Variants in RALGPS1 observed in about 807,000 individuals in gnomAD.
RALGPS1 encodes ras-specific guanine nucleotide-releasing factor RalGPS1.
RALGPS1 carries 19 observed loss-of-function variants against 78.8 expected under a neutral mutation model. The observed-to-expected ratio is 0.24, with a 90% CI of 0.17 to 0.35. The LOEUF (loss-of-function observed/expected upper bound fraction) is 0.35, where lower values mean the gene tolerates loss of function less well. Among genes scored for constraint, RALGPS1 ranks in the 10% least tolerant of loss-of-function variants. The pLI is 1.00. For missense variants in RALGPS1, 454 were observed against 688.3 expected, an observed-to-expected ratio of 0.66 and a Z score of 3.81; for synonymous variants, 228 against 256.3, an observed-to-expected ratio of 0.89 and a Z score of 1.06.
intron 8 of RALGPS1, among the ~76,000 whole-genome samples, chr9:127,072,579 A>G (rs900827631): frequency 6.6e-6 from 1 of 152,140 alleles, no homozygotes; most frequent in East Asian, 1.9e-4. Flanking sequence ...GTTTTCTCTA[A>G]TTTTTGAGAT....
At chr9:126,998,668 G>T (rs2133466738) in intron 4 of RALGPS1, among the ~76,000 whole-genome samples, 1 of 152,242 alleles carries the variant, frequency 6.6e-6, no homozygotes, top group South Asian at 2.1e-4. Context: ...CCATTACTGG[G>T]TATATACCCA....
At chr9:126,971,641 C>A (rs2040129291) in intron 3 of RALGPS1, among the ~76,000 whole-genome samples, 1 of 152,150 alleles carries the variant, frequency 6.6e-6, no homozygotes, top group Non-Finnish European at 1.5e-5. Flanking sequence ...GAATTTTATT[C>A]CCCTGAGCCC....
chr9:127,019,103 A>G (rs2045190395), intron 4 of RALGPS1, among the ~76,000 whole-genome samples: 1 of 152,198 alleles, frequency 6.6e-6, no homozygotes, highest in Non-Finnish European at 1.5e-5. Context: ...TTATAGCCTC[A>G]TAGGCCTTTC....
rs1349456974 is a variant in RALGPS1 at position 126,973,148 on chromosome 9, G to T, written c.166-4547G>T. Among the ~76,000 whole-genome samples, 4 of 152,192 alleles carry T rather than the reference G, an allele frequency of 2.6e-5. No homozygotes were observed. In the East Asian group the frequency reaches 7.7e-4, roughly 29 times the overall value. ...TTTGGGAGGTTGTGGTGGGAGGATT[G>T]TTTGAGGCCAGGAGTTAGAGATCAG... On this transcript the variant is annotated intron_variant, in intron 3 of 18. Coordinates refer to ENST00000259351, the MANE Select transcript of RALGPS1 (RefSeq NM_014636.3).
rs1158146383 is a variant in RALGPS1, at chr9:127,137,070, A to G, written c.611-28999A>G. 2.6e-5 allele frequency among the ~76,000 whole-genome samples: 4 copies of G among 152,206 alleles called. No individual in the cohort carries two copies. In the East Asian group the frequency reaches 7.7e-4, roughly 29 times the overall value. On this transcript the variant is annotated intron_variant, in intron 8 of 18. Transcript: ENST00000259351. ...TTTAACTACCCCACAATTAATAGGA[A>G]TTGAGTTTGACAAAAAGCTGAAAGT...
chr9:127,080,242 A>G (rs1418312482), intron 8 of RALGPS1, among the ~76,000 whole-genome samples: 1 of 152,220 alleles, frequency 6.6e-6, no homozygotes, highest in Non-Finnish European at 1.5e-5. Context: ...TACTCAAGGG[A>G]AACAAAGATA....
chr9:127,212,592 C>G lies in RALGPS1; in HGVS notation c.1354-35C>G, dbSNP rs1487249930. ...CAGGGATCCTCTACCCCCACGACCC[C>G]TGGTGGCATCACTCAGCCTCCCCTT... On this transcript the variant is annotated intron_variant, in intron 15 of 18. Coordinates refer to ENST00000259351, the MANE Select transcript of RALGPS1 (RefSeq NM_014636.3). The surrounding 1 kb of genome is among the most constrained non-coding windows in gnomAD (Gnocchi z 6.0). The G allele has an allele frequency of 6.7e-7, 1 of 1,494,924 alleles. No individual in the cohort carries two copies. The highest frequency in any genetic ancestry group is 1.8e-4 in the Middle Eastern group (1 of 5,676). The allele number at this position is 1,494,924 out of a possible 1,614,324, so 92.6% of individuals were successfully genotyped here.
chr9:126,997,003 CA>C lies in RALGPS1; in HGVS notation c.216+19260del, dbSNP rs778342745. On this transcript the variant is annotated intron_variant, in intron 4 of 18. Coordinates refer to ENST00000259351, the MANE Select transcript of RALGPS1 (RefSeq NM_014636.3). The stretch of plus-strand genomic sequence containing the variant: ...AACAACGCTTCATGCTAAAAACTCT[CA>C]ATAAATTAGATATTGATGGGACGTA... 1.8e-3 allele frequency among the ~76,000 whole-genome samples: 280 copies of C among 152,278 alleles called. 1 individual carries two copies. Among genetic ancestry groups the C allele is most frequent in the Non-Finnish European group, 3.2e-3 (220 of 68,024 alleles).
chr9:127,174,313 G>A (rs1237421711), intron 10 of RALGPS1, among the ~76,000 whole-genome samples: 4 of 135,970 alleles, frequency 2.9e-5, no homozygotes, highest in Admixed American at 1.4e-4. Context: ...AAGAAAGAAA[G>A]AAAAAAAAAG....
intron 8 of RALGPS1, among the ~76,000 whole-genome samples, chr9:127,112,463 A>T (rs1047926756): frequency 6.6e-6 from 1 of 152,238 alleles, no homozygotes; most frequent in African/African-American, 2.4e-5. Flanking sequence ...GTGGCCAAGA[A>T]ACTGCCAGAG....
intron 8 of RALGPS1, among the ~76,000 whole-genome samples, chr9:127,125,821 T>C (rs1030264746): frequency 2.0e-5 from 3 of 152,240 alleles, no homozygotes; most frequent in African/African-American, 7.2e-5. Context: ...TGTGACTTTT[T>C]AAAATTTTAT....
chr9:126,935,886 C>G (rs2131289476), intron 1 of RALGPS1, among the ~76,000 whole-genome samples: 1 of 152,300 alleles, frequency 6.6e-6, no homozygotes, highest in East Asian at 1.9e-4. Context: ...GAGTTGGATT[C>G]CATTAGAAGC....
rs1055117210 is a variant in RALGPS1 at position 127,212,856 on chromosome 9, G to T, written c.1447-88G>T. The T allele has an allele frequency of 3.1e-6, 5 of 1,592,040 alleles. No individual in the cohort carries two copies. The African/African-American group carries it at 6.7e-5, about 21-fold the overall frequency. ...GCAGGTGGGAAGGCGGCAGGGGAGG[G>T]AGGAAGCCTTGCCTGGCCCACGTCG... On this transcript the variant is annotated intron_variant, in intron 16 of 18. Transcript: ENST00000259351. This position sits in a 1 kb window ranked among gnomAD's most constrained non-coding sequence, Gnocchi z 6.0.
In RALGPS1 at chr9:127,199,320, A is replaced by G. The variant is rs554527174; in HGVS notation, c.1247+254A>G. On this transcript the variant is annotated intron_variant, in intron 14 of 18. Coordinates refer to ENST00000259351, the MANE Select transcript of RALGPS1 (RefSeq NM_014636.3). ...TGATCCAGGAGGCTCTTCCTCCAGC[A>G]CAGCTGCAGGAGGCCTGTGAGTAGA... Among the ~76,000 whole-genome samples, 24 of 152,282 alleles carry G rather than the reference A, an allele frequency of 1.6e-4. No individual in the cohort carries two copies. The South Asian group carries it at 4.8e-3, about 30-fold the overall frequency.
intron 6 of RALGPS1, among the ~76,000 whole-genome samples, chr9:127,052,545 C>T (rs899034235): frequency 6.6e-6 from 1 of 152,156 alleles, no homozygotes; most frequent in Admixed American, 6.5e-5. Flanking sequence ...TTTACAAAAG[C>T]CTGCTGGGAC....
intron 1 of RALGPS1, among the ~76,000 whole-genome samples, chr9:126,929,695 C>T (rs1238172192): frequency 6.6e-6 from 1 of 152,076 alleles, no homozygotes; most frequent in Non-Finnish European, 1.5e-5. Flanking sequence ...AACTCCCTAC[C>T]TCAGGTAATC....
chr9:127,026,592 A>G (rs1164226882), intron 4 of RALGPS1, among the ~76,000 whole-genome samples: 3 of 152,222 alleles, frequency 2.0e-5, no homozygotes, highest in Admixed American at 2.0e-4. Context: ...AACAGTGTCT[A>G]AGTACGTTAG....
intron 1 of RALGPS1, among the ~76,000 whole-genome samples, chr9:126,926,486 A>C (rs1487806095): frequency 1.3e-5 from 2 of 152,156 alleles, no homozygotes; most frequent in Non-Finnish European, 2.9e-5. Flanking sequence ...GATGTGCTTC[A>C]GGGATGGTGG....
At chr9:126,990,821 A>G (rs1337304501) in intron 4 of RALGPS1, among the ~76,000 whole-genome samples, 3 of 152,212 alleles carry the variant, frequency 2.0e-5, no homozygotes, top group Admixed American at 6.5e-5. Context: ...TGCAGAGATC[A>G]TGCCACTACT....
Sources: allele counts gnomAD v4.1 joint callset (sites outside exome capture counted in the v4.1 genomes callset), GRCh38; gene constraint gnomAD v4.1.1; non-coding constraint Gnocchi (gnomAD v3.1); transcripts MANE v1.5; gene names NCBI Gene and HGNC (gene_info 2026-07-23, HGNC 2026-07-21).